Variants in VPS13C observed in about 807,000 individuals in gnomAD.
The protein encoded by VPS13C is vacuolar protein sorting 13 homolog C.
VPS13C carries 358 observed loss-of-function variants against 456.8 expected under a neutral mutation model. That is an observed-to-expected ratio of 0.78 (90% CI 0.72 to 0.86). The LOEUF is 0.86. Among genes scored for constraint, VPS13C ranks in the 40% least tolerant of loss-of-function variants. The probability of loss-of-function intolerance (pLI) is 0.00; values close to 1 mark genes in which losing one functional copy is unlikely to be tolerated. For synonymous variants in VPS13C, 1,578 were observed against 1,486.7 expected (o/e 1.06, Z -1.41); for missense variants, 4,818 against 4,385.4 (o/e 1.10, Z -2.79).
chr15:62,038,409 T>G (rs536269858), intron 3 of VPS13C, among the ~76,000 whole-genome samples: 2 of 151,938 alleles, frequency 1.3e-5, no homozygotes, highest in Non-Finnish European at 2.9e-5. Context: ...GGCAACATGA[T>G]GAAACTGTAT....
intron 77 of VPS13C, 46 bp downstream of exon 77, chr15:61,874,830 A>C (rs780912195): frequency 6.8e-7 from 1 of 1,473,668 alleles, no homozygotes; most frequent in East Asian, 2.4e-5. Context: ...ATTTCATAAC[A>C]ATATAATAAA....
At chr15:61,967,762 T>C (rs948619042) in intron 28 of VPS13C, among the ~76,000 whole-genome samples, 6 of 152,026 alleles carry the variant, frequency 3.9e-5, no homozygotes, top group Non-Finnish European at 1.5e-5. Flanking sequence ...GTTTAAACTG[T>C]GAGAGGTGAC....
intron 1 of VPS13C, among the ~76,000 whole-genome samples, chr15:62,058,301 C>T (rs2048868015): frequency 6.6e-6 from 1 of 152,146 alleles, no homozygotes; most frequent in Non-Finnish European, 1.5e-5. Context: ...TTGATTTCTG[C>T]AGAAGATGCT....
intron 67 of VPS13C, among the ~76,000 whole-genome samples, chr15:61,885,170 C>A (rs1746699251): frequency 6.6e-6 from 1 of 152,076 alleles, no homozygotes; most frequent in African/African-American, 2.4e-5. Flanking sequence ...CATGGAACAT[C>A]TTGATACTAC....
chr15:61,856,368 A>T lies in VPS13C; in HGVS notation c.10994T>A (p.Met3665Lys). The T allele has an allele frequency of 1.2e-6, 2 of 1,613,430 alleles. No homozygotes were observed. Among genetic ancestry groups the T allele is most frequent in the Non-Finnish European group, 8.5e-7 (1 of 1,179,620 alleles). Residue 3665 changes from methionine to lysine, a missense_variant, in exon 83 of 85, where the codon ATG becomes AAG. By Grantham distance (95) the Met-to-Lys change is moderately conservative. Transcript: ENST00000644861. ...CIKEVEILGLMCVDWQCPFED... is the reference protein window; with the variant it reads ...CIKEVEILGLKCVDWQCPFED... ...AAATGGACATTGCCAGTCTACACAC[A>T]TAAGGCCCAGGATTTCAACTTCCTT...
Position 61,969,316 on chromosome 15 carries a change from T to A in VPS13C, c.2894A>T (p.Asp965Val). The change falls in exon 28 of 85, where the codon GAT (aspartate) becomes GTT (valine). Residue 965 changes from aspartate to valine, a missense_variant. Asp to Val is a radical substitution (Grantham distance 152, BLOSUM62 -3). This residue lies in a region of VPS13C where 4,552 missense variants were observed against 4,130.6 expected (regional missense o/e 1.10). Coordinates refer to ENST00000644861, the MANE Select transcript of VPS13C (RefSeq NM_020821.3). ...VVSYLKKISL[D>V]YHEIEGSKRK... ...GGTATTACCTTCAATTTCATGATAA[T>A]CCAAGCTGATTTTCTTTAAATAAGA... The A allele has an allele frequency of 6.3e-7, 1 of 1,599,304 alleles. No individual in the cohort carries two copies. Among genetic ancestry groups the A allele is most frequent in the Non-Finnish European group, 8.5e-7 (1 of 1,174,166 alleles).
chr15:61,958,715 A>C lies in VPS13C; in HGVS notation c.4058T>G (p.Val1353Gly). The C allele has an allele frequency of 6.9e-7, 1 of 1,442,958 alleles. No individual in the cohort carries two copies. Among genetic ancestry groups the C allele is most frequent in the Non-Finnish European group, 9.4e-7 (1 of 1,068,280 alleles). 89.4% of individuals were successfully genotyped at this position (1,442,958 alleles called of 1,614,324 possible). A position where few individuals can be genotyped will look rare whatever the true frequency, so the allele number is the denominator to read the frequency against. ...EIKGHLDSMN[V>G]SLNQEDLNLL... ...ATTAAGATCTTCTTGATTTAGACTA[A>C]CCTGTAAAATATTATGTTAAAAAAA... The change falls in exon 37 of 85, where the codon GTT becomes GGT. Residue 1353 changes from valine to glycine, a missense_variant and splice_region_variant. This residue lies in a region of VPS13C where 4,552 missense variants were observed against 4,130.6 expected (regional missense o/e 1.10). Coordinates refer to ENST00000644861, the MANE Select transcript of VPS13C (RefSeq NM_020821.3).
chr15:61,916,170 C>T lies in VPS13C; in HGVS notation c.8056-148G>A, dbSNP rs189092066. On this transcript the variant is annotated intron_variant, in intron 60 of 84. Coordinates refer to ENST00000644861, the MANE Select transcript of VPS13C (RefSeq NM_020821.3). ...TACCATGCTTACATATTACAAATGTCCAGTACTCACCAAGGACTAAAAAGA... is the reference window on the plus strand; with the variant it reads ...TACCATGCTTACATATTACAAATGTTCAGTACTCACCAAGGACTAAAAAGA... 2.5e-4 allele frequency: 244 copies of T among 958,334 alleles called. No homozygotes were observed. The African/African-American group carries it at 3.5e-3, about 14-fold the overall frequency. 59.4% of individuals were successfully genotyped at this position (958,334 alleles called of 1,614,324 possible). A position where few individuals can be genotyped will look rare whatever the true frequency, so the allele number is the denominator to read the frequency against.
intron 1 of VPS13C, among the ~76,000 whole-genome samples, chr15:62,056,997 G>A (rs1396207841): frequency 2.0e-5 from 3 of 151,970 alleles, no homozygotes; most frequent in Admixed American, 6.6e-5. Context: ...CCAGACATTC[G>A]GGGCCACTAC....
chr15:62,037,202 A>AATATATAAATATATTATATAATATATT (rs1567135988), intron 3 of VPS13C, among the ~76,000 whole-genome samples: 12 of 108,900 alleles, frequency 1.1e-4, no homozygotes, highest in East Asian at 4.6e-4. Flanking sequence ...TAATAAATAT[A>AATATATAAATATATTATATAATATATT]ATATATAAAT....
intron 66 of VPS13C, among the ~76,000 whole-genome samples, chr15:61,893,425 C>G (rs2042712094): frequency 1.3e-5 from 2 of 151,898 alleles, no homozygotes; most frequent in South Asian, 4.1e-4. Context: ...AAGTTTTTAT[C>G]AGATGAACAG....
chr15:61,921,207 T>C (rs1371475488), intron 55 of VPS13C, among the ~76,000 whole-genome samples: 2 of 152,122 alleles, frequency 1.3e-5, no homozygotes, highest in African/African-American at 2.4e-5. Flanking sequence ...AAATATTACT[T>C]CTTTATTGAG....
chr15:61,942,681 T>G (rs1490439574), intron 45 of VPS13C, among the ~76,000 whole-genome samples: 3 of 152,020 alleles, frequency 2.0e-5, no homozygotes, highest in African/African-American at 7.2e-5. Flanking sequence ...CAGAAAAATC[T>G]TTCCCAATGA....
At chr15:61,991,944 T>C in intron 16 of VPS13C, 142 bp from the exon 17 acceptor site, 1 of 916,196 alleles carries the variant, frequency 1.1e-6, no homozygotes, top group Non-Finnish European at 1.6e-6. Flanking sequence ...TAAATGATGC[T>C]CACAACATAA....
At chr15:61,990,140 A>C (rs1474863428) in intron 18 of VPS13C, among the ~76,000 whole-genome samples, 3 of 152,244 alleles carry the variant, frequency 2.0e-5, no homozygotes, top group African/African-American at 7.2e-5. Flanking sequence ...TATATATTTT[A>C]TAAGGCCATT....
chr15:61,920,359 A>G, intron 56 of VPS13C, 28 bp from the exon 57 acceptor site: 1 of 1,537,174 alleles, frequency 6.5e-7, no homozygotes, highest in Middle Eastern at 1.8e-4. Context: ...ATCACAGTAA[A>G]ATTTTTGAAA....
At chr15:62,045,951 T>C (rs1454350159) in intron 1 of VPS13C, among the ~76,000 whole-genome samples, 3 of 152,180 alleles carry the variant, frequency 2.0e-5, no homozygotes, top group African/African-American at 7.2e-5. Context: ...AGTATCTATA[T>C]ATGCACAAGT....
intron 81 of VPS13C, chr15:61,865,582 GTATATGTGTGTGTA>G (rs1894490662): frequency 4.3e-6 from 3 of 695,462 alleles, no homozygotes; most frequent in South Asian, 1.3e-4. Flanking sequence ...ATATATGTGT[GTATATGTGTGTGTA>G]TATATGTATG....
At chr15:61,906,937 C>T (rs930764393) in intron 66 of VPS13C, 1 of 254,368 alleles carries the variant, frequency 3.9e-6, no homozygotes, top group African/African-American at 2.3e-5. Context: ...CCAAAAGTGG[C>T]ATAGGTATGT....
Sources: allele counts gnomAD v4.1 joint callset (sites outside exome capture counted in the v4.1 genomes callset), GRCh38; gene constraint gnomAD v4.1.1; regional missense constraint gnomAD v4.1.1; transcripts MANE v1.5; gene names NCBI Gene and HGNC (gene_info 2026-07-23, HGNC 2026-07-21).